Variants in FRMPD4 observed in about 807,000 individuals in gnomAD.
The protein encoded by FRMPD4 is FERM and PDZ domain containing 4.
Under a neutral mutation model 94.1 loss-of-function variants are expected in FRMPD4, and 22 were observed. The ratio of observed to expected loss-of-function variants is 0.23; its 90% CI spans 0.17 to 0.33. The LOEUF is 0.33. Among genes scored for constraint, FRMPD4 ranks in the 10% least tolerant of loss-of-function variants. The probability of loss-of-function intolerance (pLI) is 1.00; values close to 1 mark genes in which losing one functional copy is unlikely to be tolerated. For missense variants in FRMPD4, 1,111 were observed against 1,339.9 expected, an observed-to-expected ratio of 0.83 and a Z score of 2.67; for synonymous variants, 631 against 548.6, an observed-to-expected ratio of 1.15 and a Z score of -2.10.
At chrX:12,004,837 C>A (rs1489809226) in intron 3 of FRMPD4, among the ~76,000 whole-genome samples, 3 of 110,379 alleles carry the variant, frequency 2.7e-5, no homozygotes, top group African/African-American at 9.9e-5. Flanking sequence ...GGAGCAGGAA[C>A]CACAGCCTGC....
chrX:12,469,476 C>T (rs949461832), intron 1 of FRMPD4, among the ~76,000 whole-genome samples: 7 of 111,453 alleles, frequency 6.3e-5, no homozygotes, highest in African/African-American at 2.3e-4. Context: ...GTCTCAAATT[C>T]CTGAGCTTAG....
At chrX:12,521,003 A>G (rs758693930) in intron 2 of FRMPD4, among the ~76,000 whole-genome samples, 101 of 112,238 alleles carry the variant, frequency 9.0e-4, no homozygotes, top group African/African-American at 3.1e-3. Flanking sequence ...CAGCTACTCA[A>G]CTCTGCCATT....
intron 3 of FRMPD4, among the ~76,000 whole-genome samples, chrX:11,880,312 A>G (rs1471236056): frequency 9.0e-6 from 1 of 111,363 alleles, no homozygotes; most frequent in Admixed American, 9.6e-5. Context: ...TACTATAGGA[A>G]TTTCTCCTAA....
chrX:12,122,504 A>G (rs2055463852), intron 3 of FRMPD4, among the ~76,000 whole-genome samples: 1 of 111,780 alleles, frequency 8.9e-6, no homozygotes, highest in Non-Finnish European at 1.9e-5. Flanking sequence ...TTCATAGTCA[A>G]ACCACTCATG....
chrX:12,390,699 C>T (rs1341235612), intron 1 of FRMPD4, among the ~76,000 whole-genome samples: 3 of 111,639 alleles, frequency 2.7e-5, no homozygotes, highest in African/African-American at 9.8e-5. Context: ...CTGACATTAC[C>T]TTATGATGTT....
chrX:12,647,711 C>T (rs753414926), intron 4 of FRMPD4, among the ~76,000 whole-genome samples: 4 of 112,073 alleles, frequency 3.6e-5, no homozygotes, highest in East Asian at 5.6e-4. Flanking sequence ...CTTGTGACCA[C>T]GTTGAAAGGA....
intron 4 of FRMPD4, among the ~76,000 whole-genome samples, chrX:12,669,422 G>A (rs1181842325): frequency 4.0e-5 from 3 of 74,375 alleles, no homozygotes; most frequent in African/African-American, 1.3e-4. Flanking sequence ...ACCAAGCTAA[G>A]CCATGCTTAT....
In FRMPD4 at chrX:12,702,089, C is replaced by A. The variant is rs2041796788; in HGVS notation, c.1070+79C>A. 6.2e-6 allele frequency: 6 copies of A among 972,472 alleles called. No individual in the cohort carries two copies. In the Admixed American group the frequency reaches 1.4e-4, roughly 23 times the overall value. 80.1% of individuals were successfully genotyped at this position (972,472 alleles called of 1,213,427 possible). ...CCCGGGTGTATTTTTGTTATTTGTC[C>A]AAAATTGATCTTGTTTGTGTCAAAG... On this transcript the variant is annotated intron_variant, in intron 10 of 16. Transcript: ENST00000675598.
intron 1 of FRMPD4, among the ~76,000 whole-genome samples, chrX:11,845,252 A>G (rs2053567532): frequency 8.9e-6 from 1 of 112,061 alleles, no homozygotes; most frequent in African/African-American, 3.2e-5. Flanking sequence ...TCAAACCCCA[A>G]GTAAAATAAA....
chrX:12,221,551 T>A (rs1043919168), intron 1 of FRMPD4, among the ~76,000 whole-genome samples: 11 of 112,012 alleles, frequency 9.8e-5, no homozygotes, highest in Non-Finnish European at 2.1e-4. Flanking sequence ...GAAGGATGGT[T>A]AGAGGAAGTT....
chrX:12,669,016 T>G (rs905778893), intron 4 of FRMPD4, among the ~76,000 whole-genome samples: 2 of 112,153 alleles, frequency 1.8e-5, no homozygotes, highest in African/African-American at 6.5e-5. Context: ...ATTCTTAGAT[T>G]TGTGTATTTC....
At chrX:12,089,792 G>C (rs181946093) in intron 3 of FRMPD4, among the ~76,000 whole-genome samples, 1 of 111,828 alleles carries the variant, frequency 8.9e-6, no homozygotes, top group East Asian at 2.8e-4. Context: ...AATGTGTTTG[G>C]TGTCTACTAA....
At chrX:12,366,933 G>A (rs766565293) in intron 1 of FRMPD4, among the ~76,000 whole-genome samples, 1 of 111,401 alleles carries the variant, frequency 9.0e-6, no homozygotes, top group Admixed American at 9.5e-5. Flanking sequence ...ACTCTGTTCT[G>A]CTGCTTCTCT....
chrX:11,979,959 G>A (rs1390839742), intron 3 of FRMPD4, among the ~76,000 whole-genome samples: 1 of 111,063 alleles, frequency 9.0e-6, no homozygotes, highest in Non-Finnish European at 1.9e-5. Flanking sequence ...TTCTCTATTT[G>A]CTAAAGGTTT....
intron 1 of FRMPD4, among the ~76,000 whole-genome samples, chrX:12,182,305 A>G (rs944403677): frequency 8.9e-6 from 1 of 111,766 alleles, no homozygotes; most frequent in Non-Finnish European, 1.9e-5. Flanking sequence ...TTCCCCCTGA[A>G]GAGTTTGCTA....
At chrX:12,654,544 A>G (rs1019025014) in intron 4 of FRMPD4, among the ~76,000 whole-genome samples, 2 of 112,147 alleles carry the variant, frequency 1.8e-5, no homozygotes, top group Non-Finnish European at 1.9e-5. Context: ...ATGTATATAT[A>G]TACACACTCA....
chrX:11,996,442 G>A (rs1255815405), intron 3 of FRMPD4, among the ~76,000 whole-genome samples: 8 of 112,137 alleles, frequency 7.1e-5, no homozygotes, highest in Middle Eastern at 4.2e-3. Flanking sequence ...AAGATTCTCC[G>A]GGTAAGATAT....
At chrX:12,361,662 G>A (rs1287869861) in intron 1 of FRMPD4, among the ~76,000 whole-genome samples, 2 of 111,888 alleles carry the variant, frequency 1.8e-5, no homozygotes, top group African/African-American at 6.5e-5. Context: ...TGTGTATTTT[G>A]GTCTTTGGAT....
intron 4 of FRMPD4, among the ~76,000 whole-genome samples, chrX:12,662,121 G>A (rs971607663): frequency 3.6e-5 from 4 of 111,900 alleles, no homozygotes; most frequent in African/African-American, 1.3e-4. Context: ...TTCATGAATA[G>A]TGACTGTCCA....
Sources: gnomAD v4.1 joint callset for allele counts (sites outside exome capture counted in the v4.1 genomes callset) on GRCh38, gnomAD v4.1.1 for gene constraint, MANE v1.5 for transcripts, NCBI Gene and HGNC (gene_info 2026-07-23, HGNC 2026-07-21) for gene names.